The following GRIP1 variants were observed in gnomAD, a reference collection of about 807,000 sequenced individuals.
The protein encoded by GRIP1 is glutamate receptor-interacting protein 1.
A neutral mutation model predicts 129.9 loss-of-function variants in GRIP1; 45 were observed. That is an observed-to-expected ratio of 0.35 (90% CI 0.27 to 0.44). The LOEUF is 0.44. Ranked by LOEUF, GRIP1 falls within the 20% of genes least tolerant of loss-of-function variation. The pLI, the probability that GRIP1 is intolerant of heterozygous loss-of-function variation, is 1.00. For missense variants in GRIP1, 1,196 were observed against 1,396.8 expected, an observed-to-expected ratio of 0.86 and a Z score of 2.29; for synonymous variants, 530 against 520.8, an observed-to-expected ratio of 1.02 and a Z score of -0.24.
chr12:66,982,506 T>C (rs2042253244), intron 1 of GRIP1, among the ~76,000 whole-genome samples: 1 of 152,206 alleles, frequency 6.6e-6, no homozygotes, highest in African/African-American at 2.4e-5. Flanking sequence ...CTGCTCTCTC[T>C]CATTCTGTTG....
intron 5 of GRIP1, among the ~76,000 whole-genome samples, chr12:66,518,419 CAA>C (rs76819452): frequency 1.4e-5 from 2 of 147,462 alleles, no homozygotes; most frequent in South Asian, 2.1e-4. Context: ...AAAAGAAAGC[CAA>C]AAAAAAAAAT....
At chr12:67,029,928 G>A (rs979333759) in intron 1 of GRIP1, among the ~76,000 whole-genome samples, 24 of 151,806 alleles carry the variant, frequency 1.6e-4, no homozygotes, top group East Asian at 1.9e-4. Flanking sequence ...GGCCTGGCGC[G>A]GTGGCTCACG....
intron 1 of GRIP1, among the ~76,000 whole-genome samples, chr12:66,871,091 G>A (rs972038159): frequency 2.6e-5 from 4 of 152,014 alleles, no homozygotes; most frequent in Admixed American, 6.6e-5. Flanking sequence ...ACTGATGTGA[G>A]GATTAAACAA....
At chr12:66,357,097 G>C (rs2054527578) in intron 23 of GRIP1, among the ~76,000 whole-genome samples, 1 of 152,140 alleles carries the variant, frequency 6.6e-6, no homozygotes, top group Non-Finnish European at 1.5e-5. Flanking sequence ...GGCTGGTCTT[G>C]AACTCCTGAG....
chr12:66,406,644 T>C (rs2057201245), intron 15 of GRIP1, among the ~76,000 whole-genome samples: 1 of 152,220 alleles, frequency 6.6e-6, no homozygotes, highest in Non-Finnish European at 1.5e-5. Flanking sequence ...AAAACATTTT[T>C]TCTTATACTT....
At chr12:66,925,991 T>C (rs1449161961) in intron 1 of GRIP1, among the ~76,000 whole-genome samples, 1 of 152,182 alleles carries the variant, frequency 6.6e-6, no homozygotes, top group Non-Finnish European at 1.5e-5. Flanking sequence ...AGAAGCAGTA[T>C]GAAAGAATGA....
chr12:66,444,621 C>A lies in GRIP1; in HGVS notation c.1650G>T (p.Thr550=), dbSNP rs1369161246. Reference sequence around the variant, plus strand: ...ACTCGATTTCCAGTGTGACCTTGCTCGTGATTGAAGAGTCTCGGAGGAGCT... The same window carrying A: ...ACTCGATTTCCAGTGTGACCTTGCTAGTGATTGAAGAGTCTCGGAGGAGCT... ...ASQLLRDSSI[T]SKVTLEIEFD... Residue 550 remains threonine, a synonymous_variant, in exon 13 of 25, where the codon ACG becomes ACT. Coordinates refer to ENST00000359742, the MANE Select transcript of GRIP1 (RefSeq NM_001366722.1). The A allele has an allele frequency of 1.2e-6, 2 of 1,613,776 alleles. No homozygotes were observed. The highest frequency in any genetic ancestry group is 1.7e-6 in the Non-Finnish European group (2 of 1,179,974).
At chr12:66,802,257 C>A (rs2038879804) in intron 1 of GRIP1, among the ~76,000 whole-genome samples, 1 of 152,092 alleles carries the variant, frequency 6.6e-6, no homozygotes, top group Non-Finnish European at 1.5e-5. Flanking sequence ...CAATTTGCAA[C>A]TAACTCCACA....
chr12:66,705,949 AC>A (rs527834278), intron 1 of GRIP1, among the ~76,000 whole-genome samples: 290 of 152,258 alleles, frequency 1.9e-3, no homozygotes, highest in Non-Finnish European at 3.1e-3. Context: ...AACCATGAAA[AC>A]CCTAGAAGAA....
intron 1 of GRIP1, among the ~76,000 whole-genome samples, chr12:66,737,715 C>T (rs1441673239): frequency 2.6e-5 from 4 of 152,128 alleles, no homozygotes; most frequent in Non-Finnish European, 1.5e-5. Context: ...ATCTTGCACT[C>T]ATTTTTTTTT....
intron 17 of GRIP1, among the ~76,000 whole-genome samples, 161 bp from the exon 18 acceptor site, chr12:66,392,977 C>A (rs1217607540): frequency 6.6e-6 from 1 of 152,046 alleles, no homozygotes; most frequent in Non-Finnish European, 1.5e-5. Flanking sequence ...AAGATAACTG[C>A]ATCTGTTGTG....
chr12:67,026,521 C>G (rs2042943909), intron 1 of GRIP1, among the ~76,000 whole-genome samples: 1 of 152,192 alleles, frequency 6.6e-6, no homozygotes, highest in Admixed American at 6.5e-5. Context: ...AGAACAATGC[C>G]TGTTACCTAG....
intron 1 of GRIP1, among the ~76,000 whole-genome samples, chr12:66,722,062 G>A (rs2036075319): frequency 6.6e-6 from 1 of 152,162 alleles, no homozygotes; most frequent in Non-Finnish European, 1.5e-5. Context: ...TTGCAGTAAG[G>A]TTGTTTTGCC....
At chr12:66,884,589 T>A (rs1469389858) in intron 1 of GRIP1, among the ~76,000 whole-genome samples, 1 of 152,068 alleles carries the variant, frequency 6.6e-6, no homozygotes, top group African/African-American at 2.4e-5. Flanking sequence ...AATGTAGAAG[T>A]TACAAGAAAC....
intron 1 of GRIP1, among the ~76,000 whole-genome samples, chr12:66,636,125 G>A (rs543063929): frequency 6.6e-6 from 1 of 152,280 alleles, no homozygotes; most frequent in East Asian, 1.9e-4. Flanking sequence ...AAACTTTGAT[G>A]ACATTATGCT....
At chr12:66,531,868 T>C (rs1285751867) in intron 4 of GRIP1, among the ~76,000 whole-genome samples, 1 of 151,672 alleles carries the variant, frequency 6.6e-6, no homozygotes, top group Non-Finnish European at 1.5e-5. Context: ...GAATTTACTG[T>C]GTGCTCAGAA....
intron 1 of GRIP1, among the ~76,000 whole-genome samples, chr12:66,814,589 T>TAAA (rs79461500): frequency 5.5e-5 from 6 of 108,404 alleles, no homozygotes; most frequent in African/African-American, 2.1e-4. Context: ...AGTGATACCA[T>TAAA]AAAAAAAAAA....
At chr12:66,453,439 C>A (rs2058865577) in intron 11 of GRIP1, among the ~76,000 whole-genome samples, 1 of 152,180 alleles carries the variant, frequency 6.6e-6, no homozygotes, top group Non-Finnish European at 1.5e-5. Flanking sequence ...CCACCACAAA[C>A]CCTGAAGGCA....
chr12:66,891,205 TC>T (rs2040651839), intron 1 of GRIP1, among the ~76,000 whole-genome samples: 1 of 152,166 alleles, frequency 6.6e-6, no homozygotes. Context: ...CTAGCAAAAG[TC>T]CCAACCATTT....
Sources: allele counts gnomAD v4.1 joint callset (sites outside exome capture counted in the v4.1 genomes callset), GRCh38; gene constraint gnomAD v4.1.1; transcripts MANE v1.5; gene names NCBI Gene and HGNC (gene_info 2026-07-23, HGNC 2026-07-21).